The following HPSE2 variants were observed in gnomAD, a reference collection of about 807,000 sequenced individuals.
The protein encoded by HPSE2 is heparanase 2 (inactive).
A neutral mutation model predicts 60.5 loss-of-function variants in HPSE2; 38 were observed. That is an observed-to-expected ratio of 0.63 (90% CI 0.48 to 0.82). HPSE2 has a LOEUF of 0.82. HPSE2 is among the 40% of genes least tolerant of loss of function. The pLI, the probability that HPSE2 is intolerant of heterozygous loss-of-function variation, is 0.00. For synonymous variants in HPSE2, 295 were observed against 293.2 expected, an observed-to-expected ratio of 1.01 and a Z score of -0.06; for missense variants, 713 against 740.4, an observed-to-expected ratio of 0.96 and a Z score of 0.43.
intron 3 of HPSE2, among the ~76,000 whole-genome samples, chr10:98,879,549 T>C (rs2134872727): frequency 1.3e-5 from 2 of 151,926 alleles, no homozygotes; most frequent in African/African-American, 4.8e-5. Flanking sequence ...TCTTAGGAAT[T>C]ACAGGAATTT....
chr10:99,214,687 C>A (rs1849061269), intron 2 of HPSE2, among the ~76,000 whole-genome samples: 1 of 151,984 alleles, frequency 6.6e-6, no homozygotes, highest in African/African-American at 2.4e-5. Context: ...ATTTTGCAAT[C>A]TGTCCATCTG....
chr10:98,992,118 CA>C (rs1290634004), intron 3 of HPSE2, among the ~76,000 whole-genome samples: 1 of 152,038 alleles, frequency 6.6e-6, no homozygotes, highest in Non-Finnish European at 1.5e-5. Context: ...TATATATTCA[CA>C]AAAACAGGAT....
At chr10:99,250,662 AC>A in the HPSE2 span, among the ~76,000 whole-genome samples, 1 of 152,196 alleles carries the variant, frequency 6.6e-6, no homozygotes, top group African/African-American at 2.4e-5. Context: ...ATACTCCTGG[AC>A]CACAGTGGAA....
At chr10:99,180,059 T>C (rs972729584) in intron 2 of HPSE2, among the ~76,000 whole-genome samples, 11 of 152,194 alleles carry the variant, frequency 7.2e-5, no homozygotes, top group African/African-American at 2.4e-4. Flanking sequence ...GCTAGCCATA[T>C]GCAGAAAGCT....
intron 9 of HPSE2, among the ~76,000 whole-genome samples, chr10:98,541,458 C>T (rs867588372): frequency 7.2e-5 from 11 of 152,140 alleles, no homozygotes; most frequent in Admixed American, 1.3e-4. Flanking sequence ...GAGTGCCAGA[C>T]AGTGGGCACA....
chr10:99,049,987 G>T (rs925108753), intron 3 of HPSE2, among the ~76,000 whole-genome samples: 1 of 152,098 alleles, frequency 6.6e-6, no homozygotes, highest in African/African-American at 2.4e-5. Flanking sequence ...TGAAAATATA[G>T]AGAACATCAC....
chr10:98,751,891 A>G (rs1029968441), intron 3 of HPSE2, among the ~76,000 whole-genome samples: 3 of 152,204 alleles, frequency 2.0e-5, no homozygotes, highest in Non-Finnish European at 4.4e-5. Context: ...GCAAAATTGG[A>G]AGTCAAAATT....
Position 99,105,907 on chromosome 10 carries a change from C to T in HPSE2, c.610+38331G>A, listed in dbSNP as rs548156084. ...TTTTCACTCTTATATTGTTTTAATA[C>T]CTTTGTCAAAAATCATAAGCGATTA... On this transcript the variant is annotated intron_variant, in intron 3 of 11. Transcript: ENST00000370552. 9.2e-5 allele frequency among the ~76,000 whole-genome samples: 14 copies of T among 152,062 alleles called. No homozygotes were observed. In the South Asian group the frequency reaches 2.7e-3, roughly 29 times the overall value.
At chr10:98,857,763 T>G (rs1170370203) in intron 3 of HPSE2, among the ~76,000 whole-genome samples, 1 of 152,124 alleles carries the variant, frequency 6.6e-6, no homozygotes, top group East Asian at 1.9e-4. Context: ...TGAAGACAGT[T>G]TAATTTGGCA....
At chr10:98,589,601 C>T (rs1307140292) in intron 9 of HPSE2, among the ~76,000 whole-genome samples, 1 of 152,192 alleles carries the variant, frequency 6.6e-6, no homozygotes, top group Non-Finnish European at 1.5e-5. Context: ...ACATGACAGC[C>T]TTTCAGATGT....
At chr10:99,062,459 A>G (rs1259694574) in intron 3 of HPSE2, among the ~76,000 whole-genome samples, 1 of 152,204 alleles carries the variant, frequency 6.6e-6, no homozygotes, top group Non-Finnish European at 1.5e-5. Flanking sequence ...TTTGGTATCC[A>G]GTAGCCAAAT....
chr10:99,041,308 C>T (rs973727080), intron 3 of HPSE2, among the ~76,000 whole-genome samples: 2 of 152,070 alleles, frequency 1.3e-5, no homozygotes, highest in Non-Finnish European at 2.9e-5. Context: ...CAGCAACCCA[C>T]AAGGAGCAGA....
chr10:98,984,520 G>C (rs1030037603), intron 3 of HPSE2, among the ~76,000 whole-genome samples: 4 of 152,188 alleles, frequency 2.6e-5, no homozygotes, highest in African/African-American at 9.7e-5. Flanking sequence ...ACTAAAGGTA[G>C]ATAAAACCAC....
intron 3 of HPSE2, among the ~76,000 whole-genome samples, chr10:98,994,987 G>A (rs10883243): frequency 0.45 from 68,513 of 152,004 alleles, 18,082 homozygotes; most frequent in Non-Finnish European, 0.6. Context: ...ATGTAGCCAA[G>A]ATTGCAAAAG....
chr10:98,493,564 C>T lies in HPSE2; in HGVS notation c.1321-3368G>A, dbSNP rs1941730315. ...AATTTCCTTCTTTGTCTCTTATAAT[C>T]TTTTAAAATTTAAAATCTATTTTGT... On this transcript the variant is annotated intron_variant, in intron 9 of 11. Transcript: ENST00000370552. Among the ~76,000 whole-genome samples the T allele has an allele frequency of 2.6e-5, 4 of 152,050 alleles. No homozygotes were observed. The South Asian group carries it at 8.3e-4, about 32-fold the overall frequency.
the HPSE2 span, among the ~76,000 whole-genome samples, chr10:99,262,350 T>C: frequency 3.9e-5 from 6 of 152,198 alleles, no homozygotes; most frequent in Admixed American, 6.5e-5. Context: ...CCTTGTTACG[T>C]TGAGACATTT....
chr10:98,492,359 G>C (rs965768927), intron 9 of HPSE2, among the ~76,000 whole-genome samples: 2 of 152,106 alleles, frequency 1.3e-5, no homozygotes, highest in Non-Finnish European at 2.9e-5. Flanking sequence ...AAAATTAGCA[G>C]GGCGTGGTGA....
intron 3 of HPSE2, among the ~76,000 whole-genome samples, chr10:98,820,781 A>C (rs901271568): frequency 6.6e-5 from 10 of 152,218 alleles, no homozygotes; most frequent in Non-Finnish European, 1.3e-4. Context: ...TGACAGCTAT[A>C]TCAGCCACTA....
At chr10:98,763,478 T>C (rs900369924) in intron 3 of HPSE2, among the ~76,000 whole-genome samples, 2 of 151,008 alleles carry the variant, frequency 1.3e-5, no homozygotes, top group African/African-American at 4.9e-5. Context: ...AAGCAACATA[T>C]TACATATAAG....
Sources: gnomAD v4.1 joint callset for allele counts (sites outside exome capture counted in the v4.1 genomes callset) on GRCh38, gnomAD v4.1.1 for gene constraint, MANE v1.5 for transcripts, NCBI Gene and HGNC (gene_info 2026-07-23, HGNC 2026-07-21) for gene names.